Variants in COBL observed in about 807,000 individuals in gnomAD.
The protein encoded by COBL is protein cordon-bleu.
In COBL, 51 loss-of-function variants were observed where a neutral mutation model predicts 98.8. That is an observed-to-expected ratio of 0.52 (90% CI 0.41 to 0.65). The LOEUF is 0.65. Among genes scored for constraint, COBL ranks in the 30% least tolerant of loss-of-function variants. The pLI is 0.00. For synonymous variants in COBL, 634 were observed against 651.7 expected, an observed-to-expected ratio of 0.97 and a Z score of 0.41; for missense variants, 1,617 against 1,617.5, an observed-to-expected ratio of 1.00 and a Z score of 0.01.
intron 8 of COBL, chr7:51,035,446 T>C (rs1243720913): frequency 2.0e-5 from 3 of 151,970 alleles, no homozygotes; most frequent in African/African-American, 7.2e-5. Flanking sequence ...AACCAACTCC[T>C]GTGATTTCAA....
intron 1 of COBL, among the ~76,000 whole-genome samples, chr7:51,268,102 C>A (rs775421438): frequency 6.7e-6 from 1 of 150,208 alleles, no homozygotes; most frequent in Non-Finnish European, 1.5e-5. Flanking sequence ...GCGCTGTGTC[C>A]GCTGCGGGTG....
At chr7:51,024,959 T>C in intron 12 of COBL, 150 bp downstream of exon 12, 2 of 1,064,102 alleles carry the variant, frequency 1.9e-6, no homozygotes, top group Non-Finnish European at 2.8e-6. Flanking sequence ...GGTCAGCACA[T>C]GTGAGAGACA....
chr7:51,170,755 T>A (rs1396118631), intron 5 of COBL, among the ~76,000 whole-genome samples: 1 of 151,892 alleles, frequency 6.6e-6, no homozygotes, highest in Admixed American at 6.6e-5. Context: ...AGAGAGAAGC[T>A]GGAGAGCGGA....
chr7:51,155,637 A>G (rs1307967149), intron 5 of COBL, among the ~76,000 whole-genome samples: 2 of 149,324 alleles, frequency 1.3e-5, no homozygotes, highest in African/African-American at 2.5e-5. Context: ...CACAGTTCCT[A>G]TATAGCCCTG....
intron 12 of COBL, 46 bp downstream of exon 12, chr7:51,025,063 C>G (rs1488051656): frequency 6.2e-7 from 1 of 1,611,102 alleles, no homozygotes; most frequent in Non-Finnish European, 8.5e-7. Flanking sequence ...CGCTGCACCT[C>G]CAACCCTCTG....
chr7:51,294,658 A>G (rs933866312), intron 1 of COBL, among the ~76,000 whole-genome samples: 106 of 151,822 alleles, frequency 7.0e-4, no homozygotes, highest in African/African-American at 2.5e-3. Context: ...AAAAAAAAAA[A>G]AAAACCATTT....
chr7:51,103,996 C>T (rs1796037646), intron 6 of COBL, among the ~76,000 whole-genome samples: 1 of 152,238 alleles, frequency 6.6e-6, no homozygotes, highest in Admixed American at 6.5e-5. Context: ...ATTCCCTTTC[C>T]ACTAATCAAT....
chr7:51,316,395 G>A (rs1803598431), intron 1 of COBL, 198 bp downstream of exon 1: 3 of 355,552 alleles, frequency 8.4e-6, no homozygotes, highest in Middle Eastern at 7.6e-4. Context: ...AACGACCCGG[G>A]TGCCCAAAGT....
intron 2 of COBL, among the ~76,000 whole-genome samples, chr7:51,203,461 C>CAAA (rs1165738166): frequency 1.4e-3 from 17 of 12,024 alleles, no homozygotes; most frequent in Admixed American, 2.3e-3. Context: ...GACTCCGTCT[C>CAAA]AAAAAAAAAA....
intron 11 of COBL, 135 bp downstream of exon 11, chr7:51,026,411 T>C: frequency 8.3e-7 from 1 of 1,211,348 alleles, no homozygotes; most frequent in Non-Finnish European, 1.1e-6. Context: ...CAGGCTGGGA[T>C]GGCCACTCTA....
chr7:51,093,289 C>T (rs1474255664), intron 6 of COBL, among the ~76,000 whole-genome samples: 5 of 152,084 alleles, frequency 3.3e-5, no homozygotes, highest in Non-Finnish European at 5.9e-5. Context: ...TGTTCAATAT[C>T]GCTAACCATA....
intron 5 of COBL, among the ~76,000 whole-genome samples, chr7:51,137,759 C>A (rs939892400): frequency 6.6e-6 from 1 of 152,178 alleles, no homozygotes; most frequent in African/African-American, 2.4e-5. Flanking sequence ...CAGCTCCAAA[C>A]AGTTCCTGGT....
At chr7:51,090,882 C>G (rs1454172318) in intron 6 of COBL, among the ~76,000 whole-genome samples, 1 of 152,222 alleles carries the variant, frequency 6.6e-6, no homozygotes, top group Non-Finnish European at 1.5e-5. Context: ...GCCAGAAAAT[C>G]TGCAGTACCA....
chr7:51,049,347 GAGA>G (rs1049836880), intron 7 of COBL, among the ~76,000 whole-genome samples: 2 of 152,172 alleles, frequency 1.3e-5, no homozygotes, highest in Non-Finnish European at 2.9e-5. Flanking sequence ...TTTTATGAAG[GAGA>G]AGGAGGGCAT....
chr7:51,035,613 A>G (rs1041657926), intron 8 of COBL: 26 of 152,234 alleles, frequency 1.7e-4, no homozygotes, highest in Non-Finnish European at 4.4e-5. Flanking sequence ...CATGAGCCAC[A>G]TGTATAATTT....
At chr7:51,227,553 C>T (rs1255737256) in intron 1 of COBL, among the ~76,000 whole-genome samples, 1 of 152,144 alleles carries the variant, frequency 6.6e-6, no homozygotes, top group African/African-American at 2.4e-5. Context: ...TATGGGTGTG[C>T]CCAGCAGGAG....
intron 2 of COBL, among the ~76,000 whole-genome samples, chr7:51,209,760 G>A (rs759661652): frequency 3.9e-5 from 6 of 152,166 alleles, no homozygotes; most frequent in Non-Finnish European, 5.9e-5. Flanking sequence ...AGGCAAGGGA[G>A]CTGGGGTCCA....
At chr7:51,170,166 T>C (rs551346673) in intron 5 of COBL, among the ~76,000 whole-genome samples, 6 of 152,176 alleles carry the variant, frequency 3.9e-5, no homozygotes, top group African/African-American at 1.4e-4. Flanking sequence ...TTTTTTTTCC[T>C]ACTGTATACA....
At chr7:51,121,634 C>T (rs189017562) in intron 6 of COBL, among the ~76,000 whole-genome samples, 128 of 152,274 alleles carry the variant, frequency 8.4e-4, no homozygotes, top group African/African-American at 2.8e-3. Flanking sequence ...AAGTTCAAGA[C>T]GAGATGGTGC....
Sources: gnomAD v4.1 joint callset for allele counts (sites outside exome capture counted in the v4.1 genomes callset) on GRCh38, gnomAD v4.1.1 for gene constraint, MANE v1.5 for transcripts, NCBI Gene and HGNC (gene_info 2026-07-23, HGNC 2026-07-21) for gene names.